Variants in ANK3 observed in about 807,000 individuals in gnomAD.
ANK3 encodes ankyrin 3.
ANK3 carries 57 observed loss-of-function variants against 370.9 expected under a neutral mutation model. That is an observed-to-expected ratio of 0.15 (90% CI 0.12 to 0.19). ANK3 has a LOEUF of 0.19. ANK3 is among the 10% of genes least tolerant of loss of function. The pLI, the probability that ANK3 is intolerant of heterozygous loss-of-function variation, is 1.00. For synonymous variants in ANK3, 1,929 were observed against 1,946.3 expected (o/e 0.99, Z 0.23); for missense variants, 4,439 against 5,302.1 (o/e 0.84, Z 5.06).
At chr10:60,188,597 T>C (rs2096403389) in intron 16 of ANK3, among the ~76,000 whole-genome samples, 1 of 152,116 alleles carries the variant, frequency 6.6e-6, no homozygotes, top group Non-Finnish European at 1.5e-5. Context: ...TACTCAGCCA[T>C]CCTGCTGCAA....
At chr10:60,148,836 G>A (rs1228382361) in intron 23 of ANK3, among the ~76,000 whole-genome samples, 1 of 152,182 alleles carries the variant, frequency 6.6e-6, no homozygotes, top group African/African-American at 2.4e-5. Flanking sequence ...GAGAAACTAG[G>A]TAGCTAAATT....
chr10:60,061,180 T>C (rs1197241880), intron 40 of ANK3, among the ~76,000 whole-genome samples: 3 of 152,340 alleles, frequency 2.0e-5, no homozygotes, highest in Non-Finnish European at 4.4e-5. Flanking sequence ...AGTGAACATT[T>C]TTCAGTTATG....
chr10:60,218,644 GA>G (rs2096987031), intron 8 of ANK3, among the ~76,000 whole-genome samples: 1 of 152,156 alleles, frequency 6.6e-6, no homozygotes, highest in South Asian at 2.1e-4. Context: ...TTTCTGCTGA[GA>G]GGTCCGCTGT....
chr10:60,444,245 G>A lies in ANK3; in HGVS notation c.97-164606C>T, dbSNP rs72806198. ...ATCAGAATTAAAACAGTTAACCCCA[G>A]CTAGAGAGCAAAACTGAATAATTCT... On this transcript the variant is annotated intron_variant, in intron 2 of 43. Transcript: ENST00000373827. Among the ~76,000 whole-genome samples, 760 of 151,868 alleles carry A rather than the reference G, an allele frequency of 5.0e-3. 4 individuals are homozygous for A. The highest frequency in any genetic ancestry group is 6.4e-3 in the Non-Finnish European group (432 of 67,964).
chr10:60,454,461 GC>G (rs1458891044), intron 2 of ANK3, among the ~76,000 whole-genome samples: 2 of 152,090 alleles, frequency 1.3e-5, no homozygotes, highest in African/African-American at 4.8e-5. Flanking sequence ...TCTCCCGGCA[GC>G]TTTAGAGCCC....
chr10:60,222,996 T>C (rs2097087541), intron 8 of ANK3, among the ~76,000 whole-genome samples: 1 of 152,196 alleles, frequency 6.6e-6, no homozygotes, highest in Non-Finnish European at 1.5e-5. Flanking sequence ...ACATGAATAT[T>C]TCCAGTGACA....
chr10:60,105,753 T>C, intron 28 of ANK3, 152 bp downstream of exon 28: 1 of 663,734 alleles, frequency 1.5e-6, no homozygotes, highest in South Asian at 3.0e-5. Flanking sequence ...ACTTCAGCAT[T>C]ATGATATAGA....
intron 28 of ANK3, among the ~76,000 whole-genome samples, chr10:60,102,009 G>A (rs1443644141): frequency 6.6e-6 from 1 of 151,924 alleles, no homozygotes; most frequent in Non-Finnish European, 1.5e-5. Flanking sequence ...TCCAGGTTTG[G>A]AAGACTAAAT....
At chr10:60,065,941 C>A (rs1045581823) in intron 38 of ANK3, among the ~76,000 whole-genome samples, 2 of 152,042 alleles carry the variant, frequency 1.3e-5, no homozygotes, top group African/African-American at 4.8e-5. Context: ...TGTAGAATGA[C>A]ACAGTTACAA....
chr10:60,588,160 TTTATTATTATTATTA>T (rs147944306), intron 2 of ANK3, among the ~76,000 whole-genome samples: 18 of 141,112 alleles, frequency 1.3e-4, no homozygotes, highest in East Asian at 1.0e-3. Context: ...TTTCTCAGTT[TTTATTATTATTATTA>T]TTATTATTAT....
At chr10:60,106,422 G>T (rs776229784) in intron 27 of ANK3, among the ~76,000 whole-genome samples, 14 of 151,962 alleles carry the variant, frequency 9.2e-5, no homozygotes, top group Non-Finnish European at 1.9e-4. Flanking sequence ...TTATACAAAT[G>T]CTAATGATTT....
intron 4 of ANK3, among the ~76,000 whole-genome samples, chr10:60,271,507 G>A (rs1009015727): frequency 2.0e-5 from 3 of 152,072 alleles, no homozygotes; most frequent in African/African-American, 7.2e-5. Context: ...CACCGAGCCA[G>A]TAAATTCTTT....
intron 2 of ANK3, among the ~76,000 whole-genome samples, chr10:60,522,019 AG>A (rs765015192): frequency 2.0e-5 from 3 of 152,104 alleles, no homozygotes; most frequent in Non-Finnish European, 4.4e-5. Flanking sequence ...TGGGCAGAGA[AG>A]TTTCTTCACT....
At chr10:60,347,169 G>A (rs2055760415) in intron 1 of ANK3, among the ~76,000 whole-genome samples, 1 of 150,242 alleles carries the variant, frequency 6.7e-6, no homozygotes, top group Non-Finnish European at 1.5e-5. Context: ...AAATGTCATG[G>A]TCTTCAAATA....
intron 1 of ANK3, among the ~76,000 whole-genome samples, chr10:60,368,544 C>T (rs1222459428): frequency 2.6e-5 from 4 of 152,098 alleles, no homozygotes; most frequent in Admixed American, 1.3e-4. Flanking sequence ...GGAGTATACA[C>T]CACACAAAGT....
intron 2 of ANK3, among the ~76,000 whole-genome samples, chr10:60,453,903 C>T (rs2064676792): frequency 6.6e-6 from 1 of 152,172 alleles, no homozygotes; most frequent in Admixed American, 6.5e-5. Context: ...AATTTGGTTA[C>T]TGTTGGTAAC....
chr10:60,274,964 T>A lies in ANK3; in HGVS notation c.414+3810A>T, dbSNP rs559728165. 1.4e-4 allele frequency among the ~76,000 whole-genome samples: 22 copies of A among 152,314 alleles called. 1 individual carries two copies. Among genetic ancestry groups the A allele is most frequent in the African/African-American group, 5.1e-4 (21 of 41,558 alleles). On this transcript the variant is annotated intron_variant, in intron 4 of 43. Coordinates refer to ENST00000280772, the MANE Select transcript of ANK3 (RefSeq NM_020987.5). ...CCATCACTCCCTAGCTCAAAGAGGTTGAGGCATCATTAACTCAATGTGTTG... is the reference window on the plus strand; with the variant it reads ...CCATCACTCCCTAGCTCAAAGAGGTAGAGGCATCATTAACTCAATGTGTTG...
rs142213577 is a variant in ANK3 at position 60,655,410 on chromosome 10, T to C, written c.58-40186A>G. Among the ~76,000 whole-genome samples, 304 of 151,996 alleles carry C rather than the reference T, an allele frequency of 2.0e-3. 1 individual carries two copies. Among genetic ancestry groups the C allele is most frequent in the African/African-American group, 6.9e-3 (288 of 41,480 alleles). ...CTGTATACACCTAGGATAATGTGTG[T>C]ATTTGTGTCTAGCTTTAAACAGAGA... On this transcript the variant is annotated intron_variant, in intron 1 of 43. Transcript: ENST00000373827.
intron 2 of ANK3, among the ~76,000 whole-genome samples, chr10:60,612,048 T>C (rs775724902): frequency 1.3e-5 from 2 of 152,100 alleles, no homozygotes; most frequent in Admixed American, 6.6e-5. Context: ...CATTACCTAA[T>C]CCCAGGAGGA....
Sources: gnomAD v4.1 joint callset for allele counts (sites outside exome capture counted in the v4.1 genomes callset) on GRCh38, gnomAD v4.1.1 for gene constraint, MANE v1.5 for transcripts, NCBI Gene and HGNC (gene_info 2026-07-23, HGNC 2026-07-21) for gene names.